Variants in FHDC1 observed in about 807,000 individuals in gnomAD.
The protein encoded by FHDC1 is FH2 domain-containing protein 1.
Under a neutral mutation model 52.6 loss-of-function variants are expected in FHDC1, and 25 were observed. The observed-to-expected ratio is 0.48, with a 90% CI of 0.35 to 0.66. The LOEUF is 0.66. Ranked by LOEUF, FHDC1 falls within the 30% of genes least tolerant of loss-of-function variation. The probability of loss-of-function intolerance (pLI) is 0.01; values close to 1 mark genes in which losing one functional copy is unlikely to be tolerated. For missense variants in FHDC1, 1,459 were observed against 1,452.8 expected (o/e 1.00, Z -0.07); for synonymous variants, 616 against 581.5 (o/e 1.06, Z -0.85).
chr4:152,962,940 GGTGT>G (rs34181980), intron 7 of FHDC1, 56 bp downstream of exon 7: 13,529 of 930,888 alleles, frequency 0.015, 3 homozygotes, highest in Middle Eastern at 0.024. Context: ...TCTATCTAAA[GGTGT>G]GTGTGTGTGT....
At chr4:152,912,612 T>C in the FHDC1 span, among the ~76,000 whole-genome samples, 14 of 152,318 alleles carry the variant, frequency 9.2e-5, no homozygotes, top group East Asian at 2.5e-3. Context: ...TAGTATATTT[T>C]TTAAGCCAGT....
chr4:152,976,130 AG>A lies in FHDC1; in HGVS notation c.2842del (p.Ala948ProfsTer100). 6.2e-7 allele frequency: 1 copy of A among 1,611,324 alleles called. No individual in the cohort carries two copies. Among genetic ancestry groups the A allele is most frequent in the Admixed American group, 1.7e-5 (1 of 59,826 alleles). ...GTGGTCACGCCAGAACTCCGTGCGGAGGGCCTCCACAGGCGCCGAAGAGCAG... is the reference window on the plus strand; with the variant it reads ...GTGGTCACGCCAGAACTCCGTGCGGAGGCCTCCACAGGCGCCGAAGAGCAG... Reference protein sequence around the residue: ...TVWSRQNSVRRASTGAEEQRL... With the variant: ...TVWSRQNSVRXASTGAEEQRL... On this transcript the variant is annotated frameshift_variant, in exon 12 of 12. Coordinates refer to ENST00000511601, the MANE Select transcript of FHDC1 (RefSeq NM_001371116.1). LOFTEE classifies it low-confidence loss of function (END_TRUNC).
chr4:152,962,239 C>G (rs1417022014), intron 6 of FHDC1, among the ~76,000 whole-genome samples: 1 of 152,106 alleles, frequency 6.6e-6, no homozygotes, highest in East Asian at 1.9e-4. Context: ...TCAGCCAATC[C>G]AAATGAAATG....
intron 2 of FHDC1, among the ~76,000 whole-genome samples, chr4:152,949,991 A>C (rs1739874196): frequency 6.6e-6 from 1 of 152,148 alleles, no homozygotes; most frequent in Non-Finnish European, 1.5e-5. Flanking sequence ...TGGTGTGACC[A>C]GAGGAGTAAT....
chr4:152,968,649 T>C (rs1179085850), intron 10 of FHDC1, among the ~76,000 whole-genome samples: 1 of 152,110 alleles, frequency 6.6e-6, no homozygotes, highest in Non-Finnish European at 1.5e-5. Flanking sequence ...TGTATTTGTT[T>C]AGGGACAGTG....
At chr4:152,932,786 C>A (rs1739274357), upstream of FHDC1, among the ~76,000 whole-genome samples, 1 of 152,230 alleles carries the variant, frequency 6.6e-6, no homozygotes, top group African/African-American at 2.4e-5. Flanking sequence ...TACTAAAAGT[C>A]TGTTTTACAT....
the FHDC1 span, among the ~76,000 whole-genome samples, chr4:152,925,873 GAGA>G: frequency 1.1e-3 from 61 of 55,972 alleles, no homozygotes; most frequent in Non-Finnish European, 2.1e-3. Context: ...GAAGAAGGAG[GAGA>G]AGGAGGAGGA....
the FHDC1 span, among the ~76,000 whole-genome samples, chr4:152,921,546 TTTCCTTCC>T: frequency 0.035 from 4,872 of 138,448 alleles, 140 homozygotes; most frequent in South Asian, 0.065. Context: ...AAATATTTTC[TTTCCTTCC>T]TTCCTTCCTT....
At chr4:152,935,106 C>G (rs1409274607), upstream of FHDC1, among the ~76,000 whole-genome samples, 1 of 152,130 alleles carries the variant, frequency 6.6e-6, no homozygotes, top group Non-Finnish European at 1.5e-5. Flanking sequence ...CTTCATGCAC[C>G]ATCAATGGCC....
chr4:152,968,081 TG>T lies in FHDC1; in HGVS notation c.1204del (p.Glu402LysfsTer8), dbSNP rs1740519162. The T allele has an allele frequency of 1.2e-6, 2 of 1,613,342 alleles. No homozygotes were observed. Among genetic ancestry groups the T allele is most frequent in the Non-Finnish European group, 1.7e-6 (2 of 1,179,678 alleles). On this transcript the variant is annotated frameshift_variant, in exon 10 of 12. Coordinates refer to ENST00000511601, the MANE Select transcript of FHDC1 (RefSeq NM_001371116.1). LOFTEE classifies it high-confidence loss of function. ...IQRDGELCQQMEDFLQFAIEK... is the reference protein window; with the variant it reads ...IQRDGELCQQXEDFLQFAIEK... ...CGGGATGGTGAACTTTGTCAGCAGA[TG>T]GAAGATTTTCTTCAGGTTTGTAGGT...
intron 1 of FHDC1, among the ~76,000 whole-genome samples, chr4:152,940,141 A>G (rs185985389): frequency 2.1e-4 from 32 of 152,310 alleles, no homozygotes; most frequent in Admixed American, 2.0e-3. Context: ...TCTGTACTCC[A>G]CTTTTCCTGC....
the FHDC1 span, among the ~76,000 whole-genome samples, chr4:152,930,982 C>T: frequency 6.9e-6 from 1 of 144,668 alleles, no homozygotes; most frequent in African/African-American, 2.7e-5. Context: ...CACACACACA[C>T]ACACACACAC....
rs746582239 is a variant in FHDC1, at chr4:152,976,048, A to G, written c.2757A>G (p.Arg919=). Residue 919 remains arginine (R), a synonymous_variant, in exon 12 of 12, where the codon CGA becomes CGG. Transcript: ENST00000511601. The stretch of plus-strand genomic sequence containing the variant: ...CCAGCAGAGGCGCCGGCTGGAGGCG[A>G]CCAGAGCTGTCATCCCGGGGGCCCT... ...TKSSRGAGWR[R]PELSSRGPSQ... 2.6e-5 allele frequency: 41 copies of G among 1,586,068 alleles called. 1 individual carries two copies. In the African/African-American group the frequency reaches 5.6e-4, roughly 21 times the overall value.
At chr4:152,953,110 G>A (rs1739976678) in intron 2 of FHDC1, among the ~76,000 whole-genome samples, 1 of 151,936 alleles carries the variant, frequency 6.6e-6, no homozygotes, top group Non-Finnish European at 1.5e-5. Flanking sequence ...CTCCAGCCTG[G>A]GCAACGGAGC....
chr4:152,939,087 T>C (rs996168486), intron 1 of FHDC1, among the ~76,000 whole-genome samples: 8 of 152,134 alleles, frequency 5.3e-5, no homozygotes, highest in African/African-American at 1.9e-4. Context: ...TGGTTATTGT[T>C]GTTTTGTTGT....
At chr4:152,926,833 A>G in the FHDC1 span, among the ~76,000 whole-genome samples, 1 of 152,178 alleles carries the variant, frequency 6.6e-6, no homozygotes, top group African/African-American at 2.4e-5. Context: ...AAAAATACAA[A>G]CAAGCAACAG....
intron 1 of FHDC1, among the ~76,000 whole-genome samples, chr4:152,940,298 G>C (rs1401757151): frequency 6.6e-6 from 1 of 152,158 alleles, no homozygotes; most frequent in East Asian, 1.9e-4. Flanking sequence ...TGTTACCCTT[G>C]GAAGAAATTA....
At chr4:152,931,894 G>A (rs898680514), upstream of FHDC1, among the ~76,000 whole-genome samples, 1 of 134,114 alleles carries the variant, frequency 7.5e-6, no homozygotes. Flanking sequence ...CAGTAACTAC[G>A]CCACTGTACT....
chr4:152,928,283 G>A, the FHDC1 span: 1 of 587,148 alleles, frequency 1.7e-6, no homozygotes, highest in East Asian at 3.0e-5. Flanking sequence ...CAGGCATTAT[G>A]TCCCTCAAAA....
Sources: allele counts gnomAD v4.1 joint callset (sites outside exome capture counted in the v4.1 genomes callset), GRCh38; gene constraint gnomAD v4.1.1; transcripts MANE v1.5; gene names NCBI Gene and HGNC (gene_info 2026-07-23, HGNC 2026-07-21).